The following DRC11 variants were observed in gnomAD, a reference collection of about 807,000 sequenced individuals.
DRC11 encodes the protein IQ and AAA domain-containing protein 1.
the DRC11 span, among the ~76,000 whole-genome samples, chr2:236,424,057 G>T: frequency 1.4e-4 from 17 of 122,336 alleles, no homozygotes; most frequent in Non-Finnish European, 2.0e-4. Context: ...GTTGTGGGGT[G>T]GGGGGAGGGG....
the DRC11 span, among the ~76,000 whole-genome samples, chr2:236,369,582 C>T: frequency 6.6e-6 from 1 of 152,224 alleles, no homozygotes; most frequent in Non-Finnish European, 1.5e-5. This position sits in a 1 kb window ranked among gnomAD's most constrained non-coding sequence, Gnocchi z 4.5. Context: ...TCCTGCTTAT[C>T]TAAACCCATA....
chr2:236,376,156 T>C, the DRC11 span, among the ~76,000 whole-genome samples: 7 of 152,360 alleles, frequency 4.6e-5, no homozygotes, highest in African/African-American at 1.7e-4. The surrounding 1 kb of genome is among the most constrained non-coding windows in gnomAD (Gnocchi z 5.7). Context: ...ATCATTTTCC[T>C]GTCAAAATGT....
At chr2:236,431,615 T>C in the DRC11 span, among the ~76,000 whole-genome samples, 8 of 152,340 alleles carry the variant, frequency 5.3e-5, no homozygotes, top group African/African-American at 1.9e-4. This position sits in a 1 kb window ranked among gnomAD's most constrained non-coding sequence, Gnocchi z 4.2. Context: ...ACTTTCTGTG[T>C]CTACAGGTTT....
chr2:236,485,268 T>TATAC, the DRC11 span, among the ~76,000 whole-genome samples: 3 of 151,982 alleles, frequency 2.0e-5, no homozygotes, highest in African/African-American at 7.2e-5. Flanking sequence ...ATATATATAA[T>TATAC]ATACATCATG....
the DRC11 span, among the ~76,000 whole-genome samples, chr2:236,448,835 A>C: frequency 1.3e-5 from 2 of 151,914 alleles, no homozygotes; most frequent in African/African-American, 2.4e-5. The surrounding 1 kb of genome is among the most constrained non-coding windows in gnomAD (Gnocchi z 5.3). Flanking sequence ...ACCTTTAAGA[A>C]TGACAGAGGG....
At chr2:236,403,801 C>A in the DRC11 span, among the ~76,000 whole-genome samples, 1 of 152,108 alleles carries the variant, frequency 6.6e-6, no homozygotes, top group East Asian at 1.9e-4. Context: ...GATACTAGAA[C>A]TGCACAGGGC....
chr2:236,359,907 C>T, the DRC11 span, among the ~76,000 whole-genome samples: 1 of 152,146 alleles, frequency 6.6e-6, no homozygotes, highest in Admixed American at 6.5e-5. The surrounding 1 kb of genome is among the most constrained non-coding windows in gnomAD (Gnocchi z 4.3). Context: ...GGCACTCTGA[C>T]ATGAAGTGGC....
chr2:236,395,478 C>A, the DRC11 span, among the ~76,000 whole-genome samples: 1 of 152,206 alleles, frequency 6.6e-6, no homozygotes, highest in Non-Finnish European at 1.5e-5. Context: ...GCTCTGCACT[C>A]CCTTAGATTT....
chr2:236,366,771 C>G, the DRC11 span, among the ~76,000 whole-genome samples: 10 of 149,714 alleles, frequency 6.7e-5, no homozygotes, highest in Non-Finnish European at 1.0e-4. Context: ...CTTTTATTCC[C>G]TCCCTCCCTC....
chr2:236,454,637 T>C, the DRC11 span: 1 of 152,236 alleles, frequency 6.6e-6, no homozygotes, highest in Non-Finnish European at 1.5e-5. The surrounding 1 kb of genome is among the most constrained non-coding windows in gnomAD (Gnocchi z 5.3). Flanking sequence ...AAGTAATTCA[T>C]GCTCCATGCA....
chr2:236,395,125 A>C, the DRC11 span, among the ~76,000 whole-genome samples: 1 of 152,056 alleles, frequency 6.6e-6, no homozygotes, highest in African/African-American at 2.4e-5. Flanking sequence ...TTGGGGGCAC[A>C]GCGCTGGGGG....
At chr2:236,330,173 AC>A in the DRC11 span, among the ~76,000 whole-genome samples, 1 of 152,248 alleles carries the variant, frequency 6.6e-6, no homozygotes, top group Non-Finnish European at 1.5e-5. This position sits in a 1 kb window ranked among gnomAD's most constrained non-coding sequence, Gnocchi z 5.5. Flanking sequence ...TGCTTGGTAA[AC>A]ACTCAGCTAG....
At chr2:236,344,543 G>A in the DRC11 span, 6 of 1,597,754 alleles carry the variant, frequency 3.8e-6, no homozygotes, top group African/African-American at 6.7e-5. Flanking sequence ...AGTAAGGCAT[G>A]AGAAAGTCCT....
chr2:236,404,195 A>G, the DRC11 span, among the ~76,000 whole-genome samples: 1 of 151,934 alleles, frequency 6.6e-6, no homozygotes, highest in Non-Finnish European at 1.5e-5. Context: ...AGAAAAAGAA[A>G]AGAAAAGAAA....
chr2:236,490,592 G>A, the DRC11 span, among the ~76,000 whole-genome samples: 20 of 152,182 alleles, frequency 1.3e-4, no homozygotes, highest in South Asian at 2.1e-3. This position sits in a 1 kb window ranked among gnomAD's most constrained non-coding sequence, Gnocchi z 5.5. Flanking sequence ...AGTTAGTATC[G>A]TATTTCTTTC....
the DRC11 span, among the ~76,000 whole-genome samples, chr2:236,449,912 T>A: frequency 1.3e-5 from 2 of 152,194 alleles, no homozygotes; most frequent in African/African-American, 4.8e-5. The surrounding 1 kb of genome is among the most constrained non-coding windows in gnomAD (Gnocchi z 5.1). Context: ...TTGCTTTTGG[T>A]TGAAAGAAAA....
At chr2:236,460,080 C>T in the DRC11 span, among the ~76,000 whole-genome samples, 1 of 152,100 alleles carries the variant, frequency 6.6e-6, no homozygotes, top group African/African-American at 2.4e-5. The surrounding 1 kb of genome is among the most constrained non-coding windows in gnomAD (Gnocchi z 4.0). Flanking sequence ...TTTTTATTTG[C>T]CTTTGATTTA....
chr2:236,321,090 A>T, the DRC11 span, among the ~76,000 whole-genome samples: 1 of 152,204 alleles, frequency 6.6e-6, no homozygotes, highest in Non-Finnish European at 1.5e-5. Context: ...TAGCTACCCA[A>T]ATGAAAGACT....
chr2:236,441,091 G>A, the DRC11 span: 106 of 1,560,670 alleles, frequency 6.8e-5, no homozygotes, highest in Middle Eastern at 1.0e-3. Flanking sequence ...CTTCTTCAAC[G>A]TCAGGGTAGT....
Sources: gnomAD v4.1 joint callset for allele counts (sites outside exome capture counted in the v4.1 genomes callset) on GRCh38, gnomAD v4.1.1 for gene constraint, Gnocchi (gnomAD v3.1) non-coding constraint, MANE v1.5 for transcripts, NCBI Gene and HGNC (gene_info 2026-07-23, HGNC 2026-07-21) for gene names.